The following LUZP2 variants were observed in gnomAD, a reference collection of about 807,000 sequenced individuals.
LUZP2 encodes leucine zipper protein 2.
LUZP2 carries 52 observed loss-of-function variants against 51.6 expected under a neutral mutation model. The observed-to-expected ratio is 1.01, with a 90% CI of 0.81 to 1.27. The LOEUF (loss-of-function observed/expected upper bound fraction) is 1.27. Among genes scored for constraint, LUZP2 ranks in the 50% most tolerant of loss-of-function variants. The probability of loss-of-function intolerance (pLI) is 0.00; values close to 1 mark genes in which losing one functional copy is unlikely to be tolerated. For missense variants in LUZP2, 436 were observed against 395.4 expected, an observed-to-expected ratio of 1.10 and a Z score of -0.87; for synonymous variants, 154 against 137.3, an observed-to-expected ratio of 1.12 and a Z score of -0.85.
chr11:24,594,246 G>A (rs1011609883), intron 1 of LUZP2, among the ~76,000 whole-genome samples: 6 of 152,122 alleles, frequency 3.9e-5, no homozygotes, highest in Non-Finnish European at 8.8e-5. Context: ...TCAATGCTGA[G>A]CATTCTGGAA....
chr11:24,627,772 C>A (rs978939293), intron 1 of LUZP2, among the ~76,000 whole-genome samples: 20 of 152,272 alleles, frequency 1.3e-4, no homozygotes, highest in African/African-American at 4.8e-4. Context: ...GGTAGCCTTA[C>A]AAGGTCATGC....
At chr11:24,614,540 G>A (rs191551429) in intron 1 of LUZP2, among the ~76,000 whole-genome samples, 2 of 152,022 alleles carry the variant, frequency 1.3e-5, no homozygotes, top group East Asian at 3.9e-4. Context: ...ATTCAGTACG[G>A]CTTATCACTC....
chr11:24,771,859 A>G (rs1860433085), intron 5 of LUZP2, among the ~76,000 whole-genome samples: 1 of 152,060 alleles, frequency 6.6e-6, no homozygotes, highest in Admixed American at 6.6e-5. Flanking sequence ...CTGACCTGAC[A>G]CCGTGTAAGA....
intron 7 of LUZP2, among the ~76,000 whole-genome samples, chr11:24,942,708 G>GA (rs892651381): frequency 2.6e-5 from 4 of 151,550 alleles, no homozygotes; most frequent in African/African-American, 7.3e-5. Flanking sequence ...CTTTCAAAGG[G>GA]AAAAAAAACT....
intron 1 of LUZP2, among the ~76,000 whole-genome samples, chr11:24,638,687 A>G (rs927396748): frequency 2.7e-5 from 4 of 147,742 alleles, no homozygotes; most frequent in African/African-American, 4.9e-5. Context: ...TATGATAATG[A>G]AAGTGGAAAT....
At chr11:24,539,074 G>C (rs1440379182) in intron 1 of LUZP2, among the ~76,000 whole-genome samples, 1 of 151,800 alleles carries the variant, frequency 6.6e-6, no homozygotes, top group Non-Finnish European at 1.5e-5. Flanking sequence ...TTGGTTTTGT[G>C]AGGAGGAAAT....
At chr11:24,933,803 G>A (rs549199055) in intron 7 of LUZP2, among the ~76,000 whole-genome samples, 8 of 152,266 alleles carry the variant, frequency 5.3e-5, no homozygotes, top group African/African-American at 9.6e-5. Context: ...GGTTGAGTCC[G>A]AAAAGAGAGT....
rs1444108165 is a variant in LUZP2 at position 24,936,736 on chromosome 11, A to G, written c.522+22198A>G. Among the ~76,000 whole-genome samples, 14 of 152,060 alleles carry G rather than the reference A, an allele frequency of 9.2e-5. No homozygotes were observed. The East Asian group carries it at 2.7e-3, about 29-fold the overall frequency. ...TTTGTTTCTATCTGTGTGGTGCAGG[A>G]TTTGAGTGGGCAATGAAATCATTTC... is the stretch of plus-strand genomic sequence containing the variant. On this transcript the variant is annotated intron_variant, in intron 7 of 11. Coordinates refer to ENST00000336930, the MANE Select transcript of LUZP2 (RefSeq NM_001009909.4).
At chr11:24,588,370 A>G (rs1487100772) in intron 1 of LUZP2, among the ~76,000 whole-genome samples, 1 of 152,168 alleles carries the variant, frequency 6.6e-6, no homozygotes, top group African/African-American at 2.4e-5. Context: ...ACCACAATGC[A>G]TGGGCTGAGT....
chr11:24,984,883 C>A (rs970711658), intron 9 of LUZP2, among the ~76,000 whole-genome samples: 1 of 151,426 alleles, frequency 6.6e-6, no homozygotes, highest in Non-Finnish European at 1.5e-5. Flanking sequence ...GTGTTTACTA[C>A]TCTTGGCCCT....
At chr11:24,895,702 G>A (rs1422003465) in intron 5 of LUZP2, among the ~76,000 whole-genome samples, 1 of 152,078 alleles carries the variant, frequency 6.6e-6, no homozygotes, top group Admixed American at 6.6e-5. Context: ...TTCTTTTTAG[G>A]GTTGCATAGT....
intron 1 of LUZP2, among the ~76,000 whole-genome samples, chr11:24,659,322 CA>C (rs1200161241): frequency 6.6e-6 from 1 of 151,934 alleles, no homozygotes; most frequent in Non-Finnish European, 1.5e-5. Context: ...GTCTCAAGGA[CA>C]AAAAAGCAAA....
chr11:24,497,168 G>C lies in LUZP2; in HGVS notation c.-76G>C, dbSNP rs931516739. The C allele has an allele frequency of 1.5e-6, 2 of 1,367,348 alleles. No individual in the cohort carries two copies. The highest frequency in any genetic ancestry group is 1.5e-5 in the African/African-American group (1 of 67,388). The allele number at this position is 1,367,348 out of a possible 1,614,324, so 84.7% of individuals were successfully genotyped here. On this transcript the variant is annotated 5_prime_UTR_variant, in exon 1 of 12. Transcript: ENST00000336930. ...TCATCACTGGCTGGGGACAGAGCCG[G>C]GCACCAAGGAGCGACAGGATCCCGA...
At chr11:24,605,827 T>A (rs1853898118) in intron 1 of LUZP2, among the ~76,000 whole-genome samples, 1 of 151,812 alleles carries the variant, frequency 6.6e-6, no homozygotes, top group Non-Finnish European at 1.5e-5. Context: ...TCTTATAACT[T>A]CAATTGTGTG....
chr11:25,040,811 A>C (rs1565268361), intron 9 of LUZP2, among the ~76,000 whole-genome samples: 1 of 152,224 alleles, frequency 6.6e-6, no homozygotes, highest in African/African-American at 2.4e-5. Flanking sequence ...AAATGAAGTC[A>C]GTTAAACAAA....
At chr11:25,023,010 T>C (rs1281332636) in intron 9 of LUZP2, among the ~76,000 whole-genome samples, 2 of 152,294 alleles carry the variant, frequency 1.3e-5, no homozygotes, top group East Asian at 1.9e-4. Context: ...CACTTGATTA[T>C]GGTGGATAAA....
chr11:24,939,458 C>T (rs1184164456), intron 7 of LUZP2, among the ~76,000 whole-genome samples: 1 of 151,708 alleles, frequency 6.6e-6, no homozygotes, highest in African/African-American at 2.4e-5. Flanking sequence ...CCTATTAGTA[C>T]CTTCCTACTA....
At chr11:25,025,401 C>G (rs563652248) in intron 9 of LUZP2, among the ~76,000 whole-genome samples, 14 of 152,242 alleles carry the variant, frequency 9.2e-5, no homozygotes, top group African/African-American at 3.1e-4. Flanking sequence ...ACCCATCTGA[C>G]AAAGGGCTAA....
At chr11:24,849,734 T>A (rs926210508) in intron 5 of LUZP2, among the ~76,000 whole-genome samples, 1 of 152,156 alleles carries the variant, frequency 6.6e-6, no homozygotes, top group African/African-American at 2.4e-5. Flanking sequence ...TAATTTACAC[T>A]CCCACCAACA....
Sources: allele counts gnomAD v4.1 joint callset (sites outside exome capture counted in the v4.1 genomes callset), GRCh38; gene constraint gnomAD v4.1.1; transcripts MANE v1.5; gene names NCBI Gene and HGNC (gene_info 2026-07-23, HGNC 2026-07-21).